CLPSL1: variants seen among roughly 807,000 people sequenced by gnomAD.
CLPSL1 encodes the protein colipase like 1.
In CLPSL1, 13 loss-of-function variants were observed where a neutral mutation model predicts 9.3. That is an observed-to-expected ratio of 1.40 (90% CI 0.91 to 2.22). CLPSL1 has a LOEUF of 2.22. Among genes scored for constraint, CLPSL1 ranks in the 30% most tolerant of loss-of-function variants. The pLI is 0.00. For synonymous variants in CLPSL1, 58 were observed against 56.9 expected, an observed-to-expected ratio of 1.02 and a Z score of -0.08; for missense variants, 164 against 146.6, an observed-to-expected ratio of 1.12 and a Z score of -0.61.
Position 35,787,132 on chromosome 6 carries a change from C to A in CLPSL1, c.222+12C>A. The A allele has an allele frequency of 1.2e-6, 2 of 1,611,018 alleles. No homozygotes were observed. Among genetic ancestry groups the A allele is most frequent in the Non-Finnish European group, 1.7e-6 (2 of 1,179,260 alleles). Reference sequence around the variant, plus strand: ...TGTGTCAAACGCAGGTGGGTATCGCCGCCCGGGGGGAGCCAGAGGGGATCC... The same window carrying A: ...TGTGTCAAACGCAGGTGGGTATCGCAGCCCGGGGGGAGCCAGAGGGGATCC... On this transcript the variant is annotated intron_variant, in intron 2 of 2. Coordinates refer to ENST00000373861, the MANE Select transcript of CLPSL1 (RefSeq NM_001010886.5).
At chr6:35,782,125 G>T (rs1767978272) in intron 1 of CLPSL1, among the ~76,000 whole-genome samples, 1 of 152,164 alleles carries the variant, frequency 6.6e-6, no homozygotes, top group Admixed American at 6.6e-5. Flanking sequence ...AAGACCTAAA[G>T]GGAGGGAAGT....
downstream of CLPSL1, among the ~76,000 whole-genome samples, chr6:35,790,609 T>C (rs1464494705): frequency 3.3e-5 from 5 of 152,256 alleles, no homozygotes; most frequent in Non-Finnish European, 7.3e-5. Flanking sequence ...AGGACACTTA[T>C]AGAAAAGTAA....
chr6:35,786,990 C>T lies in CLPSL1; in HGVS notation c.100-8C>T. The stretch of plus-strand genomic sequence containing the variant: ...TGGAGCCTGGCGGTGCCGTGTCCCT[C>T]CCTGCAGGAGCTCAAGGAGTCTTGC... On this transcript the variant is annotated splice_region_variant and splice_polypyrimidine_tract_variant and intron_variant, in intron 1 of 2. Transcript: ENST00000373861. 1 of 1,571,142 alleles carries T rather than the reference C, an allele frequency of 6.4e-7. No homozygotes were observed. Among genetic ancestry groups the T allele is most frequent in the Non-Finnish European group, 8.6e-7 (1 of 1,159,766 alleles).
intron 1 of CLPSL1, among the ~76,000 whole-genome samples, chr6:35,781,616 A>G (rs766227192): frequency 1.3e-5 from 2 of 152,164 alleles, no homozygotes; most frequent in Non-Finnish European, 2.9e-5. Context: ...GCAAAGAAGT[A>G]AAACATTACA....
intron 1 of CLPSL1, among the ~76,000 whole-genome samples, chr6:35,785,121 C>T (rs1482130523): frequency 1.3e-5 from 2 of 151,580 alleles, no homozygotes; most frequent in Admixed American, 1.3e-4. Context: ...GGAAGTTGTA[C>T]GCATGCCCAT....
chr6:35,790,108 G>A (rs1282185829), downstream of CLPSL1, among the ~76,000 whole-genome samples: 1 of 152,144 alleles, frequency 6.6e-6, no homozygotes, highest in Non-Finnish European at 1.5e-5. Flanking sequence ...TAAGATTTTT[G>A]TAGAGATGGG....
At chr6:35,788,521 C>G (rs1296803315), downstream of CLPSL1, among the ~76,000 whole-genome samples, 2 of 152,256 alleles carry the variant, frequency 1.3e-5, no homozygotes, top group Non-Finnish European at 2.9e-5. Context: ...CTCTAGCTGC[C>G]TTATGCACAT....
At chr6:35,792,626 G>C (rs2817012), downstream of CLPSL1, among the ~76,000 whole-genome samples, 84,967 of 151,470 alleles carry the variant, frequency 0.56, 18,400 homozygotes, top group African/African-American at 0.72. Flanking sequence ...AAATAAAATG[G>C]AAGCTACATA....
chr6:35,786,893 G>C (rs1768084663), intron 1 of CLPSL1, 105 bp from the exon 2 acceptor site: 27 of 1,388,668 alleles, frequency 1.9e-5, no homozygotes, highest in South Asian at 2.6e-5. Context: ...GGTGATGGTG[G>C]GAGCAGAGTC....
At chr6:35,788,311 G>C (rs1310133067), downstream of CLPSL1, among the ~76,000 whole-genome samples, 1 of 152,236 alleles carries the variant, frequency 6.6e-6, no homozygotes, top group African/African-American at 2.4e-5. Context: ...TCCCCCAGAA[G>C]AGACCAAAGC....
At chr6:35,785,611 T>C (rs1768053485) in intron 1 of CLPSL1, among the ~76,000 whole-genome samples, 2 of 152,170 alleles carry the variant, frequency 1.3e-5, no homozygotes, top group Non-Finnish European at 2.9e-5. Flanking sequence ...GACACTTTAA[T>C]GTTAACAGCT....
At chr6:35,788,443 A>G (rs1294532540), downstream of CLPSL1, among the ~76,000 whole-genome samples, 1 of 152,282 alleles carries the variant, frequency 6.6e-6, no homozygotes, top group Middle Eastern at 3.2e-3. Flanking sequence ...GAAAGAAGGT[A>G]CACAAAATAT....
chr6:35,789,215 G>A (rs1236598208), downstream of CLPSL1, among the ~76,000 whole-genome samples: 1 of 152,252 alleles, frequency 6.6e-6, no homozygotes, highest in African/African-American at 2.4e-5. Flanking sequence ...CAATGTCTAA[G>A]AAGTTCCCAA....
intron 2 of CLPSL1, 79 bp downstream of exon 2, chr6:35,787,199 G>T: frequency 1.3e-6 from 2 of 1,513,162 alleles, no homozygotes; most frequent in Non-Finnish European, 1.8e-6. Flanking sequence ...TCCTGGGGAG[G>T]AAAGAAGGGT....
chr6:35,785,744 C>A (rs1395251392), intron 1 of CLPSL1, among the ~76,000 whole-genome samples: 1 of 152,042 alleles, frequency 6.6e-6, no homozygotes, highest in African/African-American at 2.4e-5. Flanking sequence ...AGAGCCCTCT[C>A]CTACCCCACT....
At chr6:35,786,953 G>C (rs1350297527) in intron 1 of CLPSL1, 45 bp from the exon 2 acceptor site, 2 of 1,548,412 alleles carry the variant, frequency 1.3e-6, no homozygotes, top group Non-Finnish European at 1.7e-6. Flanking sequence ...GGCGAGGGCG[G>C]AAGGCGGGCG....
downstream of CLPSL1, among the ~76,000 whole-genome samples, chr6:35,791,544 G>A (rs916897021): frequency 1.3e-4 from 20 of 152,020 alleles, no homozygotes; most frequent in African/African-American, 4.8e-4. Context: ...GGAGGCGGAG[G>A]TTGCAGCGAG....
At chr6:35,793,434 A>AG (rs1768260937) in intron 1 of CLPSL1, 1 of 445,128 alleles carries the variant, frequency 2.2e-6, no homozygotes, top group Admixed American at 2.9e-5. Flanking sequence ...TCAAAAAAAA[A>AG]AAAAAAAAGG....
At chr6:35,783,585 T>A (rs550053577) in intron 1 of CLPSL1, among the ~76,000 whole-genome samples, 18 of 151,736 alleles carry the variant, frequency 1.2e-4, no homozygotes, top group African/African-American at 4.1e-4. Flanking sequence ...GGCAGGCAGA[T>A]CACGAGGTCA....
Sources: gnomAD v4.1 joint callset for allele counts (sites outside exome capture counted in the v4.1 genomes callset) on GRCh38, gnomAD v4.1.1 for gene constraint, MANE v1.5 for transcripts, NCBI Gene and HGNC (gene_info 2026-07-23, HGNC 2026-07-21) for gene names.